Variants in MEF2A observed in about 807,000 individuals in gnomAD.
MEF2A encodes the protein myocyte enhancer factor 2A.
MEF2A carries 28 observed loss-of-function variants against 55.8 expected under a neutral mutation model. The ratio of observed to expected loss-of-function variants is 0.50; its 90% CI spans 0.37 to 0.69. The LOEUF is 0.69. Among genes scored for constraint, MEF2A ranks in the 30% least tolerant of loss-of-function variants. MEF2A has a pLI of 0.00. For synonymous variants in MEF2A, 239 were observed against 227.1 expected (o/e 1.05, Z -0.47); for missense variants, 528 against 626.2 (o/e 0.84, Z 1.67).
At chr15:99,570,702 A>G (rs1341488350) in intron 1 of MEF2A, among the ~76,000 whole-genome samples, 1 of 151,982 alleles carries the variant, frequency 6.6e-6, no homozygotes. Flanking sequence ...GACTAATACT[A>G]TATTTGCCTG....
chr15:99,681,553 G>T (rs2153679635), intron 7 of MEF2A, among the ~76,000 whole-genome samples: 1 of 152,348 alleles, frequency 6.6e-6, no homozygotes, highest in South Asian at 2.1e-4. Context: ...AGATGCTGAA[G>T]TTTCTGAAAG....
chr15:99,581,522 C>A (rs763588092), intron 1 of MEF2A, among the ~76,000 whole-genome samples: 1 of 151,762 alleles, frequency 6.6e-6, no homozygotes, highest in Non-Finnish European at 1.5e-5. Context: ...TTTTTATTGA[C>A]CTCCCGTGTT....
chr15:99,594,712 GA>G (rs1461690612), intron 1 of MEF2A, among the ~76,000 whole-genome samples: 1 of 152,110 alleles, frequency 6.6e-6, no homozygotes, highest in Non-Finnish European at 1.5e-5. Flanking sequence ...CACTCCAGCA[GA>G]AACCAAATAT....
intron 1 of MEF2A, among the ~76,000 whole-genome samples, chr15:99,576,959 T>C (rs1457961971): frequency 2.0e-5 from 3 of 152,202 alleles, no homozygotes; most frequent in Non-Finnish European, 4.4e-5. Flanking sequence ...AAACTTTAGT[T>C]TTTAACTTAA....
At position 99,667,977 on chromosome 15, in the gene MEF2A, A is replaced by G. The variant is rs116285347; in HGVS notation, c.259-3346A>G. ...TTACATAACTAGCGTTGAAAGGTAA[A>G]TATTAGCTAAGTTTATTACTTAAAT... On this transcript the variant is annotated intron_variant, in intron 4 of 11. Transcript: ENST00000557942. Among the ~76,000 whole-genome samples, 1,060 of 152,316 alleles carry G rather than the reference A, an allele frequency of 7.0e-3. 12 individuals are homozygous for G. The highest frequency in any genetic ancestry group is 0.024 in the African/African-American group (1,007 of 41,564).
chr15:99,638,928 T>G (rs2044383754), intron 3 of MEF2A, among the ~76,000 whole-genome samples: 1 of 152,194 alleles, frequency 6.6e-6, no homozygotes, highest in Non-Finnish European at 1.5e-5. Flanking sequence ...TCTGATGTCT[T>G]TAAAGAGGTA....
At position 99,633,309 on chromosome 15, in the gene MEF2A, T is replaced by C. The variant is rs1362055280; in HGVS notation, c.54+136T>C. 7.9e-5 allele frequency: 44 copies of C among 554,814 alleles called. No homozygotes were observed. In the East Asian group the frequency reaches 1.5e-3, roughly 19 times the overall value. 34.4% of individuals were successfully genotyped at this position (554,814 alleles called of 1,614,324 possible). On this transcript the variant is annotated intron_variant, in intron 3 of 11. Transcript: ENST00000557942. ...TAGTTACAGACTAAATGAAAAATTC[T>C]AACAATCATAAAATTGTATCTTTTC...
chr15:99,574,155 G>A lies in MEF2A; in HGVS notation c.-225+8051G>A, dbSNP rs982955653. Among the ~76,000 whole-genome samples, 4 of 152,072 alleles carry A rather than the reference G, an allele frequency of 2.6e-5. 1 individual carries two copies. Among genetic ancestry groups the A allele is most frequent in the Admixed American group, 2.0e-4 (3 of 15,272 alleles). Reference sequence around the variant, plus strand: ...CCGCAGATTCACCAGTTGTTACCATGTACCACATTTGCTTTGTCGTTCTTG... The same window carrying A: ...CCGCAGATTCACCAGTTGTTACCATATACCACATTTGCTTTGTCGTTCTTG... On this transcript the variant is annotated intron_variant, in intron 1 of 11. Transcript: ENST00000557942.
At chr15:99,666,727 T>TTAACAACA (rs1210013578) in intron 4 of MEF2A, among the ~76,000 whole-genome samples, 4 of 152,082 alleles carry the variant, frequency 2.6e-5, no homozygotes, top group African/African-American at 9.7e-5. Flanking sequence ...ATTTGGGCAT[T>TTAACAACA]TACAACACAG....
chr15:99,587,300 A>T lies in MEF2A; in HGVS notation c.-224-11130A>T, dbSNP rs970489138. Among the ~76,000 whole-genome samples, 97 of 152,100 alleles carry T rather than the reference A, an allele frequency of 6.4e-4. 1 individual carries two copies. The highest frequency in any genetic ancestry group is 2.3e-3 in the African/African-American group (96 of 41,462). ...TCAGCTCCCACTTATGAGTGAGAAC[A>T]TGTGGTGTTTGGTTTTCTGCTCTTG... is the stretch of plus-strand genomic sequence containing the variant. On this transcript the variant is annotated intron_variant, in intron 1 of 11. Coordinates refer to ENST00000557942, the MANE Select transcript of MEF2A (RefSeq NM_001319206.4).
At chr15:99,619,038 G>A (rs2570933) in intron 2 of MEF2A, among the ~76,000 whole-genome samples, 136,169 of 152,234 alleles carry the variant, frequency 0.89, 62,919 homozygotes, top group East Asian at 1. Flanking sequence ...TTGAAAGATT[G>A]TAACACCTCT....
At chr15:99,584,069 G>A (rs970129613) in intron 1 of MEF2A, among the ~76,000 whole-genome samples, 7 of 152,040 alleles carry the variant, frequency 4.6e-5, no homozygotes, top group Admixed American at 1.3e-4. Context: ...GTGCGTATTC[G>A]TGTATCTAAA....
At chr15:99,569,733 T>C (rs1567129377) in intron 1 of MEF2A, among the ~76,000 whole-genome samples, 1 of 152,204 alleles carries the variant, frequency 6.6e-6, no homozygotes. Flanking sequence ...TAAAATAGCT[T>C]AATTTCTGAA....
chr15:99,678,467 T>G (rs2052550643), intron 7 of MEF2A, among the ~76,000 whole-genome samples: 1 of 152,240 alleles, frequency 6.6e-6, no homozygotes, highest in African/African-American at 2.4e-5. Context: ...AGCTCCAGTT[T>G]AGAAACTCGT....
chr15:99,622,933 C>T (rs1382595789), intron 2 of MEF2A, among the ~76,000 whole-genome samples: 1 of 151,954 alleles, frequency 6.6e-6, no homozygotes. Flanking sequence ...ATCTCCTGAC[C>T]TCATGATCCA....
At chr15:99,637,476 T>C (rs557845983) in intron 3 of MEF2A, among the ~76,000 whole-genome samples, 1 of 152,284 alleles carries the variant, frequency 6.6e-6, no homozygotes, top group South Asian at 2.1e-4. Flanking sequence ...TGCTGCTAAG[T>C]ATATAAAAGT....
rs1162570307 is a variant in MEF2A at position 99,681,493 on chromosome 15, A to ATGGAGGTG, written c.670+6036_670+6043dup. The stretch of plus-strand genomic sequence containing the variant: ...AGAAACCCAGTTTTCAGTCATTCAC[A>ATGGAGGTG]TGGAGGTGATAGTTGAAGTTGTATA... On this transcript the variant is annotated intron_variant, in intron 7 of 11. Transcript: ENST00000557942. Among the ~76,000 whole-genome samples the ATGGAGGTG allele has an allele frequency of 3.3e-5, 5 of 152,210 alleles. No individual in the cohort carries two copies. The South Asian group carries it at 6.2e-4, about 19-fold the overall frequency.
chr15:99,607,033 C>T (rs1036268113), intron 2 of MEF2A, among the ~76,000 whole-genome samples: 3 of 152,100 alleles, frequency 2.0e-5, no homozygotes, highest in Non-Finnish European at 4.4e-5. Context: ...AGATGTTTCT[C>T]AAATGAAGCC....
intron 1 of MEF2A, among the ~76,000 whole-genome samples, chr15:99,594,578 G>A (rs1260863527): frequency 6.6e-6 from 1 of 151,226 alleles, no homozygotes. Context: ...GAGGTTGGGA[G>A]TTGGGGCTGA....
Sources: allele counts gnomAD v4.1 joint callset (sites outside exome capture counted in the v4.1 genomes callset), GRCh38; gene constraint gnomAD v4.1.1; transcripts MANE v1.5; gene names NCBI Gene and HGNC (gene_info 2026-07-23, HGNC 2026-07-21).